The following MACROH2A1 variants were observed in gnomAD, a reference collection of about 807,000 sequenced individuals.
MACROH2A1 encodes core histone macro-H2A.1.
MACROH2A1 carries 2 observed loss-of-function variants against 31.6 expected under a neutral mutation model. That is an observed-to-expected ratio of 0.06 (90% CI 0.03 to 0.20). The LOEUF (loss-of-function observed/expected upper bound fraction) is 0.20, where lower values mean the gene tolerates loss of function less well. Ranked by LOEUF, MACROH2A1 falls within the 10% of genes least tolerant of loss-of-function variation. The pLI is 1.00. For synonymous variants in MACROH2A1, 169 were observed against 189.6 expected (o/e 0.89, Z 0.89); for missense variants, 230 against 474.0 (o/e 0.49, Z 4.78).
chr5:135,334,880 A>G lies in MACROH2A1; in HGVS notation c.*96T>C. On this transcript the variant is annotated 3_prime_UTR_variant, in exon 9 of 9. Coordinates refer to ENST00000511689, the MANE Select transcript of MACROH2A1 (RefSeq NM_138610.3). ...CTAGATGAGCAAAACTGAAAATGAAAGGGGTCCCACCTCCCAGTAGGAGTG... is the reference window on the plus strand; with the variant it reads ...CTAGATGAGCAAAACTGAAAATGAAGGGGGTCCCACCTCCCAGTAGGAGTG... 1 of 1,023,218 alleles carries G rather than the reference A, an allele frequency of 9.8e-7. No individual in the cohort carries two copies. Among genetic ancestry groups the G allele is most frequent in the East Asian group, 2.4e-5 (1 of 41,536 alleles). The allele number at this position is 1,023,218 out of a possible 1,614,324, so 63.4% of individuals were successfully genotyped here.
chr5:135,364,593 C>A (rs1033010449), intron 4 of MACROH2A1, among the ~76,000 whole-genome samples: 2 of 152,184 alleles, frequency 1.3e-5, no homozygotes, highest in African/African-American at 4.8e-5. Flanking sequence ...GTATTGGACA[C>A]TCGCCCAGCT....
At chr5:135,357,906 TACAG>T in intron 5 of MACROH2A1, 1 of 985,054 alleles carries the variant, frequency 1.0e-6, no homozygotes, top group Non-Finnish European at 1.2e-6. Flanking sequence ...AACCATGCCT[TACAG>T]GGCTGTAGCA....
chr5:135,359,779 G>C, intron 5 of MACROH2A1: 1 of 947,298 alleles, frequency 1.1e-6, no homozygotes, highest in South Asian at 4.9e-5. Context: ...AAATTAAGAA[G>C]AGTTTAATTC....
chr5:135,335,231 G>A (rs1002478084), intron 8 of MACROH2A1, 90 bp from the exon 9 acceptor site: 4 of 953,852 alleles, frequency 4.2e-6, no homozygotes, highest in Non-Finnish European at 6.6e-6. Context: ...CCTCTGTGCT[G>A]CAGCTTGCCT....
intron 8 of MACROH2A1, among the ~76,000 whole-genome samples, chr5:135,342,688 C>T (rs959445807): frequency 6.6e-6 from 1 of 152,142 alleles, no homozygotes; most frequent in African/African-American, 2.4e-5. Context: ...CACGTAATTC[C>T]CCATTCCGTT....
At position 135,369,680 on chromosome 5, in the gene MACROH2A1, G is replaced by A; in HGVS notation, c.280-77C>T. 1.7e-6 allele frequency: 2 copies of A among 1,208,838 alleles called. No homozygotes were observed. Among genetic ancestry groups the A allele is most frequent in the Non-Finnish European group, 2.4e-6 (2 of 821,592 alleles). The allele number at this position is 1,208,838 out of a possible 1,614,324, so 74.9% of individuals were successfully genotyped here. On this transcript the variant is annotated intron_variant, in intron 3 of 8. Coordinates refer to ENST00000511689, the MANE Select transcript of MACROH2A1 (RefSeq NM_138610.3). This position sits in a 1 kb window ranked among gnomAD's most constrained non-coding sequence, Gnocchi z 4.3. ...CCTTCAAGAAGCCAGCCCTGCCCAG[G>A]ACAGTCTTGCTTTGGGTTGGTGCAG...
chr5:135,397,303 T>C (rs894089596), intron 1 of MACROH2A1, among the ~76,000 whole-genome samples: 20 of 152,152 alleles, frequency 1.3e-4, no homozygotes, highest in Admixed American at 1.2e-3. Flanking sequence ...AAACATCAGA[T>C]GGAGATGTGT....
intron 1 of MACROH2A1, among the ~76,000 whole-genome samples, chr5:135,397,595 T>G (rs747418938): frequency 6.6e-6 from 1 of 152,230 alleles, no homozygotes; most frequent in African/African-American, 2.4e-5. Context: ...ATTTGAAGTC[T>G]TTCAAGAGTT....
At chr5:135,359,340 A>G in intron 5 of MACROH2A1, 2 of 985,066 alleles carry the variant, frequency 2.0e-6, no homozygotes, top group Non-Finnish European at 2.4e-6. Context: ...AAGTAGACCC[A>G]GGCAGTTGTC....
chr5:135,341,125 C>T (rs1390660289), intron 8 of MACROH2A1, among the ~76,000 whole-genome samples: 3 of 152,248 alleles, frequency 2.0e-5, no homozygotes, highest in Non-Finnish European at 4.4e-5. Flanking sequence ...TGCGGAAGCA[C>T]CTTTCATCAG....
intron 1 of MACROH2A1, among the ~76,000 whole-genome samples, chr5:135,395,402 G>T (rs116788917): frequency 0.011 from 1,660 of 152,266 alleles, 36 homozygotes; most frequent in African/African-American, 0.038. Context: ...CCTATCTCCA[G>T]CCCCTGAGGA....
At position 135,389,066 on chromosome 5, in the gene MACROH2A1, ACTT is replaced by A. The variant is rs766733082; in HGVS notation, c.25_27del (p.Lys9del). The A allele has an allele frequency of 8.7e-6, 14 of 1,613,544 alleles. No individual in the cohort carries two copies. The highest frequency in any genetic ancestry group is 2.2e-5 in the South Asian group (2 of 91,048). On this transcript the variant is annotated inframe_deletion, in exon 2 of 9. Transcript: ENST00000511689. ...TTGGCAGACCTGGACGTCTTGGTGG[ACTT>A]CTTCTTCCCACCGCGGCTCGACATG...
intron 8 of MACROH2A1, among the ~76,000 whole-genome samples, chr5:135,336,516 A>AGAGCACG (rs1554085697): frequency 7.2e-5 from 11 of 151,812 alleles, no homozygotes; most frequent in Non-Finnish European, 1.6e-4. Context: ...GCAGCTCCTC[A>AGAGCACG]GCCACAGAGC....
intron 8 of MACROH2A1, among the ~76,000 whole-genome samples, chr5:135,342,666 C>T (rs1321234835): frequency 1.3e-5 from 2 of 152,180 alleles, no homozygotes; most frequent in Non-Finnish European, 2.9e-5. Flanking sequence ...GGGCCCAGCC[C>T]TGTTTCAATC....
intron 8 of MACROH2A1, chr5:135,337,823 G>A (rs1298545716): frequency 7.5e-6 from 3 of 402,170 alleles, no homozygotes; most frequent in South Asian, 7.7e-5. Context: ...CGGTTCCACC[G>A]GAATGTCCCT....
chr5:135,342,306 T>TG (rs1760030168), intron 8 of MACROH2A1, among the ~76,000 whole-genome samples: 1 of 152,154 alleles, frequency 6.6e-6, no homozygotes, highest in Admixed American at 6.5e-5. Flanking sequence ...AGATACTGCA[T>TG]GGGGGGATTA....
At chr5:135,337,813 C>T (rs1248469690) in intron 8 of MACROH2A1, 4 of 318,838 alleles carry the variant, frequency 1.3e-5, no homozygotes, top group African/African-American at 2.2e-5. Flanking sequence ...AGAGAGCAGA[C>T]GGTTCCACCG....
At chr5:135,377,094 C>T (rs1764982461) in intron 2 of MACROH2A1, among the ~76,000 whole-genome samples, 1 of 152,234 alleles carries the variant, frequency 6.6e-6, no homozygotes, top group African/African-American at 2.4e-5. Flanking sequence ...ACCCAGGGCG[C>T]CCCCACAGGC....
rs1760775313 is a variant in MACROH2A1, at chr5:135,345,962, C to T, written c.778+6G>A. On this transcript the variant is annotated splice_donor_region_variant and intron_variant, in intron 7 of 8. Coordinates refer to ENST00000511689, the MANE Select transcript of MACROH2A1 (RefSeq NM_138610.3). ...CCAGATAAGCACGGTGGCTTTCCCA[C>T]CTCACCTCCAGCTACTTCCAAGGGC... 4 of 1,460,620 alleles carry T rather than the reference C, an allele frequency of 2.7e-6. No homozygotes were observed. Among genetic ancestry groups the T allele is most frequent in the Admixed American group, 1.7e-5 (1 of 59,808 alleles). The allele number at this position is 1,460,620 out of a possible 1,614,324, so 90.5% of individuals were successfully genotyped here. A position where few individuals can be genotyped will look rare whatever the true frequency, so the allele number is the denominator to read the frequency against.
Sources: allele counts gnomAD v4.1 joint callset (sites outside exome capture counted in the v4.1 genomes callset), GRCh38; gene constraint gnomAD v4.1.1; non-coding constraint Gnocchi (gnomAD v3.1); transcripts MANE v1.5; gene names NCBI Gene and HGNC (gene_info 2026-07-23, HGNC 2026-07-21).